The following POGZ variants were observed in gnomAD, a reference collection of about 807,000 sequenced individuals.
The protein encoded by POGZ is pogo transposable element with ZNF domain.
POGZ carries 17 observed loss-of-function variants against 134.6 expected under a neutral mutation model. The ratio of observed to expected loss-of-function variants is 0.13; its 90% CI spans 0.09 to 0.19. The LOEUF (loss-of-function observed/expected upper bound fraction) is 0.19. Ranked by LOEUF, POGZ falls within the 10% of genes least tolerant of loss-of-function variation. The pLI is 1.00. For missense variants in POGZ, 1,306 were observed against 1,769.7 expected, an observed-to-expected ratio of 0.74 and a Z score of 4.70; for synonymous variants, 693 against 657.1, an observed-to-expected ratio of 1.05 and a Z score of -0.84.
chr1:151,445,555 C>A (rs1237202364), intron 1 of POGZ, among the ~76,000 whole-genome samples: 11 of 144,704 alleles, frequency 7.6e-5, no homozygotes, highest in African/African-American at 1.0e-4. Flanking sequence ...AAGAAAGAGA[C>A]AAAAAAGAAA....
intron 10 of POGZ, among the ~76,000 whole-genome samples, chr1:151,413,576 C>T (rs902561348): frequency 6.6e-6 from 1 of 152,120 alleles, no homozygotes; most frequent in East Asian, 1.9e-4. Flanking sequence ...TGGGCATTTA[C>T]TGGACAATGT....
intron 3 of POGZ, among the ~76,000 whole-genome samples, chr1:151,440,033 T>C (rs1229127428): frequency 6.6e-6 from 1 of 152,156 alleles, no homozygotes; most frequent in Non-Finnish European, 1.5e-5. Context: ...GGCAGAGTAA[T>C]GTACAACTTG....
In POGZ at chr1:151,403,661, G is replaced by A. The variant is rs534734726; in HGVS notation, c.*1141C>T. On this transcript the variant is annotated 3_prime_UTR_variant, in exon 19 of 19. Coordinates refer to ENST00000271715, the MANE Select transcript of POGZ (RefSeq NM_015100.4). ...ATTTTCTTTGTGCACACCCCTGTGCGCTTCTTCCTGTCAGATTCTTCCCTA... is the reference window on the plus strand; with the variant it reads ...ATTTTCTTTGTGCACACCCCTGTGCACTTCTTCCTGTCAGATTCTTCCCTA... The A allele has an allele frequency of 3.9e-5, 38 of 984,634 alleles. No homozygotes were observed. Among genetic ancestry groups the A allele is most frequent in the Admixed American group, 1.2e-4 (2 of 16,264 alleles). The allele number at this position is 984,634 out of a possible 1,614,324, so 61.0% of individuals were successfully genotyped here. A position where few individuals can be genotyped will look rare whatever the true frequency, so the allele number is the denominator to read the frequency against.
intron 7 of POGZ, chr1:151,426,862 A>C (rs971255090): frequency 6.6e-6 from 1 of 152,086 alleles, no homozygotes; most frequent in Non-Finnish European, 1.5e-5. Context: ...GTAAGGTAAG[A>C]TCCAACTTCT....
chr1:151,430,591 A>G, intron 4 of POGZ, 75 bp downstream of exon 4: 1 of 1,135,976 alleles, frequency 8.8e-7, no homozygotes, highest in African/African-American at 1.6e-5. Flanking sequence ...GACGCCAAAG[A>G]CCCTAAGTCA....
intron 15 of POGZ, 83 bp from the exon 16 acceptor site, chr1:151,407,374 CAAA>C: frequency 1.1e-6 from 1 of 882,992 alleles, no homozygotes; most frequent in East Asian, 2.4e-5. Flanking sequence ...ATGCCCCCAA[CAAA>C]AGAGACACTT....
At position 151,428,117 on chromosome 1, in the gene POGZ, C is replaced by T; in HGVS notation, c.859+6G>A. 2 of 1,614,018 alleles carry T rather than the reference C, an allele frequency of 1.2e-6. No individual in the cohort carries two copies. Among genetic ancestry groups the T allele is most frequent in the Non-Finnish European group, 1.7e-6 (2 of 1,179,884 alleles). On this transcript the variant is annotated splice_donor_region_variant and intron_variant, in intron 6 of 18. Transcript: ENST00000271715. ...GGCTCTGCCATCTCCTCTTCCGAAG[C>T]CTTACCTAGCTTGGGATTCGTGGTC...
intron 1 of POGZ, among the ~76,000 whole-genome samples, chr1:151,445,993 A>C (rs892604182): frequency 6.6e-6 from 1 of 151,652 alleles, no homozygotes; most frequent in Non-Finnish European, 1.5e-5. Flanking sequence ...TTCTCAAGAA[A>C]CACCACCATT....
chr1:151,412,581 G>C (rs3748549), intron 10 of POGZ, among the ~76,000 whole-genome samples, 185 bp from the exon 11 acceptor site: 72 of 152,018 alleles, frequency 4.7e-4, no homozygotes, highest in Non-Finnish European at 5.0e-4. Context: ...TCTTATGTAC[G>C]TAGCTCAGAC....
In POGZ at chr1:151,428,607, A is replaced by C. The variant is rs1277209766; in HGVS notation, c.569-194T>G. 3.3e-5 allele frequency among the ~76,000 whole-genome samples: 5 copies of C among 152,128 alleles called. No homozygotes were observed. The East Asian group carries it at 7.7e-4, about 23-fold the overall frequency. On this transcript the variant is annotated intron_variant, in intron 5 of 18. Transcript: ENST00000271715. ...ACAAAATAACCTGGGCAGCCTAAAA[A>C]CATTAAGTTAAATAAGACTCCCATC... is the stretch of plus-strand genomic sequence containing the variant.
At chr1:151,410,249 C>T (rs1218552506) in intron 12 of POGZ, among the ~76,000 whole-genome samples, 1 of 152,176 alleles carries the variant, frequency 6.6e-6, no homozygotes, top group African/African-American at 2.4e-5. Flanking sequence ...CTGGATTTAC[C>T]TACCCTGGGT....
chr1:151,426,517 T>C (rs1657808772), intron 7 of POGZ: 1 of 152,176 alleles, frequency 6.6e-6, no homozygotes, highest in Non-Finnish European at 1.5e-5. Flanking sequence ...AAAGGTTGTT[T>C]GGGAGTTTTT....
At chr1:151,417,235 T>C (rs1441750745) in intron 10 of POGZ, among the ~76,000 whole-genome samples, 1 of 150,996 alleles carries the variant, frequency 6.6e-6, no homozygotes, top group Non-Finnish European at 1.5e-5. Flanking sequence ...GGCTAACTTT[T>C]TGTATTTTAG....
chr1:151,449,092 C>T (rs959561541), intron 1 of POGZ, among the ~76,000 whole-genome samples: 16 of 152,134 alleles, frequency 1.1e-4, no homozygotes, highest in African/African-American at 3.6e-4. Flanking sequence ...GAGCTCATTT[C>T]GAACCTTCAA....
intron 10 of POGZ, among the ~76,000 whole-genome samples, chr1:151,417,353 C>T (rs764899416): frequency 8.0e-5 from 12 of 150,418 alleles, no homozygotes; most frequent in Admixed American, 1.3e-4. Context: ...TGAGGCTCCG[C>T]GCCCGGCCCT....
intron 3 of POGZ, among the ~76,000 whole-genome samples, chr1:151,436,931 T>C (rs370559122): frequency 2.0e-5 from 3 of 152,152 alleles, no homozygotes; most frequent in Non-Finnish European, 4.4e-5. Flanking sequence ...AGGCGGCTCA[T>C]GTCTGTAATC....
Position 151,405,801 on chromosome 1 carries a change from C to T in POGZ, c.3234G>A (p.Arg1078=). The stretch of plus-strand genomic sequence containing the variant: ...GCCGGGCATGGGGAGTCAGGTGGTG[C>T]CGCAGCATGAAACGCACAGCCCACT... ...SYEWAVRFML[R]HHLTPHARRA... Residue 1078 remains arginine (R), a synonymous_variant, in exon 19 of 19, where the codon CGG becomes CGA. Coordinates refer to ENST00000271715, the MANE Select transcript of POGZ (RefSeq NM_015100.4). The surrounding 1 kb of genome is among the most constrained non-coding windows in gnomAD (Gnocchi z 4.9). 1.3e-5 allele frequency: 21 copies of T among 1,614,142 alleles called. No homozygotes were observed. The highest frequency in any genetic ancestry group is 1.8e-5 in the Non-Finnish European group (21 of 1,179,996).
Position 151,404,402 on chromosome 1 carries a change from CAAAA to C in POGZ, c.*396_*399del, listed in dbSNP as rs1195870649. The C allele has an allele frequency of 2.0e-6, 2 of 990,868 alleles. No individual in the cohort carries two copies. The highest frequency in any genetic ancestry group is 4.6e-5 in the South Asian group (1 of 21,924). The allele number at this position is 990,868 out of a possible 1,614,324, so 61.4% of individuals were successfully genotyped here. ...GACATTGGCCACACAATAAAACAAA[CAAAA>C]AAACCCAGTACTATGATACAATTGA... On this transcript the variant is annotated 3_prime_UTR_variant, in exon 19 of 19. Transcript: ENST00000271715.
At position 151,428,229 on chromosome 1, in the gene POGZ, G is replaced by A. The variant is rs142434646; in HGVS notation, c.753C>T (p.Ser251=). Residue 251 remains serine, a synonymous_variant, in exon 6 of 19, where the codon TCC becomes TCT. Transcript: ENST00000271715. ...TGGGAGTGGTAGAAGTGCTGGGAGT[G>A]GACTTGGTCTGCTGGGACTGGGACT... ...VPQSQSQQTK[S]TPSTSTTPTA... The A allele has an allele frequency of 3.4e-4, 541 of 1,614,008 alleles. No homozygotes were observed. In the African/African-American group the frequency reaches 3.4e-3, roughly 10 times the overall value.
Sources: gnomAD v4.1 joint callset for allele counts (sites outside exome capture counted in the v4.1 genomes callset) on GRCh38, gnomAD v4.1.1 for gene constraint, Gnocchi (gnomAD v3.1) non-coding constraint, MANE v1.5 for transcripts, NCBI Gene and HGNC (gene_info 2026-07-23, HGNC 2026-07-21) for gene names.